The following APBB2 variants were observed in gnomAD, a reference collection of about 807,000 sequenced individuals.
The protein encoded by APBB2 is Fe65-like 1.
A neutral mutation model predicts 82.5 loss-of-function variants in APBB2; 38 were observed. That is an observed-to-expected ratio of 0.46 (90% CI 0.36 to 0.60). The LOEUF (loss-of-function observed/expected upper bound fraction) is 0.60, where lower values mean the gene tolerates loss of function less well. Among genes scored for constraint, APBB2 ranks in the 20% least tolerant of loss-of-function variants. The pLI is 0.00. For synonymous variants in APBB2, 341 were observed against 368.2 expected, an observed-to-expected ratio of 0.93 and a Z score of 0.85; for missense variants, 772 against 972.3, an observed-to-expected ratio of 0.79 and a Z score of 2.74.
chr4:40,877,617 A>G (rs1767237432), intron 12 of APBB2, among the ~76,000 whole-genome samples: 1 of 152,196 alleles, frequency 6.6e-6, no homozygotes, highest in Non-Finnish European at 1.5e-5. Context: ...TATATATAAA[A>G]TTCCTGCAAA....
At chr4:40,851,363 A>G (rs1759293117) in intron 12 of APBB2, among the ~76,000 whole-genome samples, 1 of 152,180 alleles carries the variant, frequency 6.6e-6, no homozygotes, top group Admixed American at 6.5e-5. Flanking sequence ...CGTCTGCCCC[A>G]GCCATTTTAT....
intron 6 of APBB2, among the ~76,000 whole-genome samples, chr4:40,991,010 C>CTTTTTTTTTTTTTTTTTTTTTT (rs1491223078): frequency 7.8e-6 from 1 of 128,652 alleles, no homozygotes; most frequent in African/African-American, 2.7e-5. Flanking sequence ...GACTGAGTTT[C>CTTTTTTTTTTTTTTTTTTTTTT]ATTTTTTTTT....
At chr4:41,000,310 T>C (rs2154419208) in intron 6 of APBB2, among the ~76,000 whole-genome samples, 1 of 152,102 alleles carries the variant, frequency 6.6e-6, no homozygotes. Flanking sequence ...AAAGTCAAAC[T>C]GGCCTAGATC....
chr4:41,028,548 C>CA (rs1407010826), intron 5 of APBB2, among the ~76,000 whole-genome samples: 8 of 152,180 alleles, frequency 5.3e-5, no homozygotes, highest in African/African-American at 1.9e-4. Flanking sequence ...AGCCAAGAGA[C>CA]AGAGAGAAAA....
intron 6 of APBB2, among the ~76,000 whole-genome samples, chr4:40,963,390 G>A (rs4861341): frequency 0.23 from 34,565 of 152,026 alleles, 4,292 homozygotes; most frequent in African/African-American, 0.31. Flanking sequence ...AGGACCACAG[G>A]TATGCACCAT....
intron 3 of APBB2, among the ~76,000 whole-genome samples, chr4:41,070,290 T>C (rs1006796506): frequency 6.6e-6 from 1 of 152,172 alleles, no homozygotes; most frequent in Non-Finnish European, 1.5e-5. Flanking sequence ...ATGATCTTAC[T>C]GGACACATTT....
intron 3 of APBB2, among the ~76,000 whole-genome samples, chr4:41,082,239 C>T (rs1044269945): frequency 1.3e-5 from 2 of 152,194 alleles, no homozygotes; most frequent in Admixed American, 6.5e-5. Flanking sequence ...CAACAATGCT[C>T]TCAAAGTAAA....
At chr4:41,065,749 TTTC>T (rs1277407796) in intron 3 of APBB2, 76 bp from the exon 4 acceptor site, 19 of 146,112 alleles carry the variant, frequency 1.3e-4, no homozygotes, top group Non-Finnish European at 2.5e-4. Context: ...TTTTTTTTTT[TTTC>T]ATTAAAATGC....
At chr4:40,924,940 A>C (rs6818171) in intron 10 of APBB2, among the ~76,000 whole-genome samples, 13,715 of 152,304 alleles carry the variant, frequency 0.09, 652 homozygotes, top group Middle Eastern at 0.15. Flanking sequence ...ACAAATTTAC[A>C]TATCAAATCA....
chr4:40,953,583 C>T (rs933834847), intron 6 of APBB2, among the ~76,000 whole-genome samples: 2 of 152,170 alleles, frequency 1.3e-5, no homozygotes, highest in African/African-American at 4.8e-5. Flanking sequence ...CCTTTAAATG[C>T]CTTTCCCCCG....
chr4:40,982,253 A>G lies in APBB2; in HGVS notation c.835+31330T>C, dbSNP rs372542522. ...AAGAAAGAAAGAAAGAAAGAAAGAA[A>G]GAAAGAAAGAAAGAAAGAAAGAAAG... On this transcript the variant is annotated intron_variant, in intron 6 of 17. Coordinates refer to ENST00000508593, the MANE Select transcript of APBB2 (RefSeq NM_004307.2). 2.6e-3 allele frequency among the ~76,000 whole-genome samples: 34 copies of G among 13,026 alleles called. 3 individuals carry two copies. The highest frequency in any genetic ancestry group is 4.8e-3 in the Non-Finnish European group (26 of 5,376). 8.5% of individuals were successfully genotyped at this position (13,026 alleles called of 152,430 possible).
intron 5 of APBB2, among the ~76,000 whole-genome samples, chr4:41,024,764 A>G (rs888850698): frequency 6.6e-6 from 1 of 152,238 alleles, no homozygotes. Context: ...AGTGAAGATT[A>G]TAAGACATGC....
Position 40,934,509 on chromosome 4 carries a change from G to C in APBB2, c.1201C>G (p.Pro401Ala). ...RYASLKLRNA[P>A]HPDDDDSCSI... The stretch of plus-strand genomic sequence containing the variant: ...CAAGAATCATCATCATCAGGGTGTG[G>C]GGCATTTCTAGGCAGAAAAACAGAA... Residue 401 changes from proline to alanine, a missense_variant, in exon 10 of 18, where the codon CCA becomes GCA. Coordinates refer to ENST00000508593, the MANE Select transcript of APBB2 (RefSeq NM_004307.2). 2 of 1,614,092 alleles carry C rather than the reference G, an allele frequency of 1.2e-6. No homozygotes were observed. The highest frequency in any genetic ancestry group is 2.2e-5 in the South Asian group (2 of 91,064).
intron 2 of APBB2, among the ~76,000 whole-genome samples, chr4:41,121,999 T>G (rs1285106015): frequency 1.3e-5 from 2 of 152,148 alleles, no homozygotes; most frequent in African/African-American, 4.8e-5. Context: ...CCATCTCGAC[T>G]CACTGTAGCC....
At chr4:40,982,261 A>AGAAG (rs1390794527) in intron 6 of APBB2, among the ~76,000 whole-genome samples, 3 of 22,204 alleles carry the variant, frequency 1.4e-4, no homozygotes, top group Non-Finnish European at 3.0e-4. Context: ...AAAGAAAGAA[A>AGAAG]GAAAGAAAGA....
intron 6 of APBB2, among the ~76,000 whole-genome samples, chr4:40,989,902 G>C (rs1210411205): frequency 6.6e-6 from 1 of 152,196 alleles, no homozygotes; most frequent in Admixed American, 6.5e-5. Flanking sequence ...GCCTCAAAGA[G>C]ATCTTCAATA....
chr4:41,110,912 A>T (rs939640773), intron 2 of APBB2, among the ~76,000 whole-genome samples: 1 of 152,184 alleles, frequency 6.6e-6, no homozygotes, highest in Non-Finnish European at 1.5e-5. Context: ...CTATTATTAC[A>T]TTGTAATATA....
chr4:41,100,833 G>GT (rs892341402), intron 2 of APBB2, 83 bp from the exon 3 acceptor site: 11 of 152,312 alleles, frequency 7.2e-5, no homozygotes, highest in African/African-American at 2.6e-4. Flanking sequence ...GTCATTCAGA[G>GT]TATCTCTGCA....
intron 5 of APBB2, among the ~76,000 whole-genome samples, chr4:41,026,734 T>C (rs975956510): frequency 3.3e-5 from 5 of 152,268 alleles, no homozygotes; most frequent in Non-Finnish European, 7.3e-5. Flanking sequence ...CACTGGTTAA[T>C]GGACATTTGG....
Sources: gnomAD v4.1 joint callset for allele counts (sites outside exome capture counted in the v4.1 genomes callset) on GRCh38, gnomAD v4.1.1 for gene constraint, MANE v1.5 for transcripts, NCBI Gene and HGNC (gene_info 2026-07-23, HGNC 2026-07-21) for gene names.